Variants in DLGAP2 observed in about 807,000 individuals in gnomAD.
DLGAP2 encodes the protein disks large-associated protein 2.
DLGAP2 carries 26 observed loss-of-function variants against 100.3 expected under a neutral mutation model. The ratio of observed to expected loss-of-function variants is 0.26; its 90% CI spans 0.19 to 0.36. DLGAP2 has a LOEUF of 0.36. Among genes scored for constraint, DLGAP2 ranks in the 10% least tolerant of loss-of-function variants. The pLI is 1.00. For synonymous variants in DLGAP2, 886 were observed against 630.1 expected, an observed-to-expected ratio of 1.41 and a Z score of -6.08; for missense variants, 1,858 against 1,453.2, an observed-to-expected ratio of 1.28 and a Z score of -4.53.
At chr8:1,390,436 A>G (rs538708646) in intron 3 of DLGAP2, among the ~76,000 whole-genome samples, 8 of 152,276 alleles carry the variant, frequency 5.3e-5, no homozygotes, top group African/African-American at 1.9e-4. Context: ...ACAGATGGCC[A>G]TGAACTCAGA....
At chr8:779,225 C>G (rs567941550) in intron 1 of DLGAP2, among the ~76,000 whole-genome samples, 116 of 152,342 alleles carry the variant, frequency 7.6e-4, no homozygotes, top group African/African-American at 2.6e-3. Context: ...CACCCACTGA[C>G]CTGTGCCCAC....
At chr8:803,225 C>G (rs1796205832) in intron 1 of DLGAP2, among the ~76,000 whole-genome samples, 2 of 152,220 alleles carry the variant, frequency 1.3e-5, no homozygotes, top group Admixed American at 1.3e-4. Flanking sequence ...CCCCACAAAC[C>G]TCTCCATGTT....
intron 7 of DLGAP2, among the ~76,000 whole-genome samples, chr8:1,629,079 T>A (rs1234668005): frequency 2.0e-5 from 3 of 152,226 alleles, no homozygotes; most frequent in Admixed American, 2.0e-4. Flanking sequence ...GAGCTCTTGG[T>A]AGCTTGCCTG....
At chr8:1,017,562 T>C (rs1801496815) in intron 2 of DLGAP2, among the ~76,000 whole-genome samples, 1 of 138,914 alleles carries the variant, frequency 7.2e-6, no homozygotes, top group Non-Finnish European at 1.5e-5. Context: ...CTCCACTGTG[T>C]GTGTGACCAG....
At chr8:980,278 G>A (rs147563308) in intron 2 of DLGAP2, among the ~76,000 whole-genome samples, 20 of 152,226 alleles carry the variant, frequency 1.3e-4, no homozygotes, top group Admixed American at 2.6e-4. Context: ...AGGGCCCACC[G>A]TGTGGAATGG....
intron 3 of DLGAP2, among the ~76,000 whole-genome samples, chr8:1,472,463 G>T (rs563650197): frequency 6.6e-6 from 1 of 152,136 alleles, no homozygotes; most frequent in South Asian, 2.1e-4. Context: ...TTCCAGAATT[G>T]CTTCCACTTT....
chr8:1,316,743 C>A (rs1171386536), intron 3 of DLGAP2, among the ~76,000 whole-genome samples: 1 of 109,122 alleles, frequency 9.2e-6, no homozygotes, highest in Non-Finnish European at 1.9e-5. Flanking sequence ...AACTCGGCAG[C>A]TTTAAAAATA....
intron 4 of DLGAP2, among the ~76,000 whole-genome samples, chr8:1,506,221 T>C (rs540429293): frequency 6.6e-6 from 1 of 152,364 alleles, no homozygotes; most frequent in East Asian, 1.9e-4. Flanking sequence ...GGGATGTTTA[T>C]TTTTGTGTGT....
At chr8:1,598,846 T>C (rs2130696906) in intron 6 of DLGAP2, among the ~76,000 whole-genome samples, 1 of 152,136 alleles carries the variant, frequency 6.6e-6, no homozygotes, top group East Asian at 1.9e-4. Context: ...TTTTGAAGGG[T>C]TTTTCATGTC....
At chr8:846,342 G>A (rs1173124811) in intron 1 of DLGAP2, among the ~76,000 whole-genome samples, 1 of 152,156 alleles carries the variant, frequency 6.6e-6, no homozygotes, top group Non-Finnish European at 1.5e-5. Flanking sequence ...CTCTACTTCT[G>A]TGAGATTGGC....
At chr8:1,601,264 C>G (rs776957561) in intron 6 of DLGAP2, among the ~76,000 whole-genome samples, 1 of 152,192 alleles carries the variant, frequency 6.6e-6, no homozygotes, top group African/African-American at 2.4e-5. Flanking sequence ...CAGAGGGACT[C>G]CTGCCAGATG....
chr8:1,592,177 G>A (rs1264565850), intron 6 of DLGAP2, among the ~76,000 whole-genome samples: 1 of 152,160 alleles, frequency 6.6e-6, no homozygotes, highest in Non-Finnish European at 1.5e-5. Context: ...CCATCTCCTG[G>A]CCGCAGCTCT....
At chr8:808,904 C>G (rs59854297) in intron 1 of DLGAP2, among the ~76,000 whole-genome samples, 1,983 of 122,476 alleles carry the variant, frequency 0.016, 61 homozygotes, top group African/African-American at 0.05. Flanking sequence ...GCTGTTGCTG[C>G]CTTTTTTTTT....
intron 1 of DLGAP2, among the ~76,000 whole-genome samples, chr8:845,695 C>T (rs1279514984): frequency 6.6e-6 from 1 of 152,082 alleles, no homozygotes. Context: ...TCTTTTTTTG[C>T]TGCTTGTGCT....
At chr8:1,177,073 A>G (rs949134356) in intron 2 of DLGAP2, among the ~76,000 whole-genome samples, 1 of 152,182 alleles carries the variant, frequency 6.6e-6, no homozygotes, top group South Asian at 2.1e-4. Flanking sequence ...TCTTTGGCAT[A>G]TTATAACAAT....
At chr8:969,656 C>G (rs148145676) in intron 2 of DLGAP2, among the ~76,000 whole-genome samples, 1 of 152,220 alleles carries the variant, frequency 6.6e-6, no homozygotes, top group Admixed American at 6.5e-5. Flanking sequence ...CCTTATTTCT[C>G]TCTTGTCTGC....
chr8:1,369,743 T>A (rs1236626775), intron 3 of DLGAP2: 1 of 152,292 alleles, frequency 6.6e-6, no homozygotes, highest in Non-Finnish European at 1.5e-5. Context: ...TCCTGCAGCC[T>A]CTGAACTCTT....
intron 8 of DLGAP2, among the ~76,000 whole-genome samples, chr8:1,666,947 C>T (rs1045811043): frequency 2.0e-5 from 3 of 152,172 alleles, no homozygotes; most frequent in Non-Finnish European, 2.9e-5. Flanking sequence ...GTCTGGACAT[C>T]CTTGGGGAAA....
chr8:1,609,956 A>T (rs1378113635), intron 6 of DLGAP2, among the ~76,000 whole-genome samples: 1 of 151,302 alleles, frequency 6.6e-6, no homozygotes, highest in Admixed American at 6.6e-5. Context: ...TTAACACCCC[A>T]CTGTCAACAT....
Sources: gnomAD v4.1 joint callset for allele counts (sites outside exome capture counted in the v4.1 genomes callset) on GRCh38, gnomAD v4.1.1 for gene constraint, MANE v1.5 for transcripts, NCBI Gene and HGNC (gene_info 2026-07-23, HGNC 2026-07-21) for gene names.